Variants in NADSYN1 observed in about 807,000 individuals in gnomAD.
NADSYN1 encodes glutamine-dependent NAD(+) synthetase.
Under a neutral mutation model 99.3 loss-of-function variants are expected in NADSYN1, and 80 were observed. The observed-to-expected ratio is 0.81, with a 90% confidence interval of 0.67 to 0.97. The LOEUF is 0.97. Ranked by LOEUF, NADSYN1 falls within the 50% of genes least tolerant of loss-of-function variation. The probability of loss-of-function intolerance (pLI) is 0.00; values close to 1 mark genes in which losing one functional copy is unlikely to be tolerated. For synonymous variants in NADSYN1, 385 were observed against 372.1 expected, an observed-to-expected ratio of 1.03 and a Z score of -0.40; for missense variants, 859 against 948.5, an observed-to-expected ratio of 0.91 and a Z score of 1.24.
intron 9 of NADSYN1, among the ~76,000 whole-genome samples, chr11:71,477,671 G>A (rs995261472): frequency 1.3e-5 from 2 of 152,192 alleles, no homozygotes; most frequent in Admixed American, 6.5e-5. Context: ...TACCATAGCC[G>A]GGTTCAAAGG....
chr11:71,489,958 C>T (rs1949768166), intron 16 of NADSYN1, among the ~76,000 whole-genome samples: 1 of 152,178 alleles, frequency 6.6e-6, no homozygotes, highest in Non-Finnish European at 1.5e-5. Flanking sequence ...GAGGCCTGCA[C>T]CAGCGTTGGC....
chr11:71,489,279 G>A (rs1462812336), intron 16 of NADSYN1, among the ~76,000 whole-genome samples: 1 of 152,118 alleles, frequency 6.6e-6, no homozygotes, highest in South Asian at 2.1e-4. Flanking sequence ...CACACTTGTT[G>A]CTGGCTTCAA....
chr11:71,501,265 T>G, intron 20 of NADSYN1, 37 bp from the exon 21 acceptor site: 1 of 1,506,004 alleles, frequency 6.6e-7, no homozygotes, highest in Non-Finnish European at 8.9e-7. Context: ...ACAGTCCGTC[T>G]TTGCGGGGCT....
intron 5 of NADSYN1, among the ~76,000 whole-genome samples, chr11:71,466,386 C>G (rs975275732): frequency 6.6e-6 from 1 of 152,176 alleles, no homozygotes; most frequent in Admixed American, 6.5e-5. Flanking sequence ...TTCTGGTGCC[C>G]AGGGTCTGTC....
At chr11:71,464,527 G>A (rs964191836) in intron 5 of NADSYN1, 2 of 159,068 alleles carry the variant, frequency 1.3e-5, no homozygotes, top group African/African-American at 4.8e-5. Context: ...TAAAAAGGGT[G>A]TTTCCTGTCT....
chr11:71,482,714 G>A, intron 13 of NADSYN1, 135 bp from the exon 14 acceptor site: 1 of 835,840 alleles, frequency 1.2e-6, no homozygotes, highest in South Asian at 1.7e-5. Flanking sequence ...GACCGGGGTG[G>A]AGCCGCACAG....
chr11:71,459,632 CCT>C (rs1270162241), intron 3 of NADSYN1: 1 of 152,780 alleles, frequency 6.5e-6, no homozygotes, highest in Admixed American at 6.5e-5. Flanking sequence ...ATTGCCATCC[CCT>C]GTCACTGAAC....
chr11:71,456,795 C>T (rs1032570824), intron 2 of NADSYN1, among the ~76,000 whole-genome samples: 3 of 152,214 alleles, frequency 2.0e-5, no homozygotes, highest in Non-Finnish European at 1.5e-5. Context: ...ACCTGCTGAG[C>T]AGGCTCCTGT....
At chr11:71,487,319 T>G (rs1949749080) in intron 16 of NADSYN1, among the ~76,000 whole-genome samples, 1 of 152,132 alleles carries the variant, frequency 6.6e-6, no homozygotes, top group African/African-American at 2.4e-5. Flanking sequence ...TATTCTCAGC[T>G]CTGGTGTAGT....
chr11:71,473,783 C>A (rs1565600343), intron 8 of NADSYN1, 97 bp downstream of exon 8: 3 of 881,574 alleles, frequency 3.4e-6, no homozygotes, highest in Non-Finnish European at 5.5e-6. Context: ...GGCCCACACA[C>A]AATGGATGTT....
intron 5 of NADSYN1, among the ~76,000 whole-genome samples, chr11:71,466,048 G>A (rs1041740910): frequency 3.9e-5 from 6 of 152,072 alleles, no homozygotes; most frequent in East Asian, 1.9e-4. Context: ...GGGCAATTTC[G>A]TCTTTTTCCT....
intron 19 of NADSYN1, 110 bp from the exon 20 acceptor site, chr11:71,498,242 T>G: frequency 7.9e-7 from 1 of 1,265,878 alleles, no homozygotes; most frequent in Admixed American, 2.0e-5. Flanking sequence ...GAAGGTCCTG[T>G]GCGGGGAGTA....
chr11:71,472,508 C>A lies in NADSYN1; in HGVS notation c.459+8C>A, dbSNP rs781273466. The A allele has an allele frequency of 6.2e-7, 1 of 1,612,538 alleles. No homozygotes were observed. The highest frequency in any genetic ancestry group is 1.1e-5 in the South Asian group (1 of 91,056). On this transcript the variant is annotated splice_region_variant and intron_variant, in intron 6 of 20. Transcript: ENST00000319023. ...CAGGACCTGACAAAGCAGGTGAGTCCCTGGGTGTGGAGCCCGTTTTTCAGT... is the reference window on the plus strand; with the variant it reads ...CAGGACCTGACAAAGCAGGTGAGTCACTGGGTGTGGAGCCCGTTTTTCAGT...
intron 2 of NADSYN1, chr11:71,455,473 TC>T: frequency 2.7e-6 from 1 of 368,570 alleles, no homozygotes; most frequent in East Asian, 4.7e-5. Flanking sequence ...AATGTTTGCG[TC>T]CCCACAAAAT....
intron 19 of NADSYN1, 93 bp downstream of exon 19, chr11:71,497,704 A>C (rs905317482): frequency 2.7e-6 from 4 of 1,490,526 alleles, no homozygotes; most frequent in Non-Finnish European, 3.7e-6. Flanking sequence ...AGTAGATAAC[A>C]GTGTGACCCT....
chr11:71,482,103 G>A (rs1949712304), intron 13 of NADSYN1, 78 bp downstream of exon 13: 2 of 1,335,872 alleles, frequency 1.5e-6, no homozygotes, highest in Non-Finnish European at 2.1e-6. Context: ...CTAGGAGGGG[G>A]CAGAGGAAAC....
chr11:71,474,554 G>A, intron 9 of NADSYN1, 28 bp downstream of exon 9: 3 of 1,613,726 alleles, frequency 1.9e-6, no homozygotes, highest in Non-Finnish European at 2.5e-6. Context: ...ACATGCCTGG[G>A]GGAGGGTTCT....
intron 13 of NADSYN1, 42 bp from the exon 14 acceptor site, chr11:71,482,807 C>T: frequency 1.9e-6 from 3 of 1,604,616 alleles, no homozygotes; most frequent in Non-Finnish European, 1.7e-6. Flanking sequence ...ACATCCCACA[C>T]ACTCAGGTGA....
At chr11:71,476,169 C>T (rs760553302) in intron 9 of NADSYN1, 15 of 453,630 alleles carry the variant, frequency 3.3e-5, no homozygotes, top group Admixed American at 9.4e-5. Context: ...TCAGACCACA[C>T]GCGGGTCCAC....
Sources: allele counts gnomAD v4.1 joint callset (sites outside exome capture counted in the v4.1 genomes callset), GRCh38; gene constraint gnomAD v4.1.1; transcripts MANE v1.5; gene names NCBI Gene and HGNC (gene_info 2026-07-23, HGNC 2026-07-21).